The following EBF2 variants were observed in gnomAD, a reference collection of about 807,000 sequenced individuals.
EBF2 encodes transcription factor COE2.
In EBF2, 21 loss-of-function variants were observed where a neutral mutation model predicts 72.8. The ratio of observed to expected loss-of-function variants is 0.29; its 90% confidence interval spans 0.20 to 0.42. The LOEUF is 0.42. Ranked by LOEUF, EBF2 falls within the 10% of genes least tolerant of loss-of-function variation. EBF2 has a pLI of 1.00. For synonymous variants in EBF2, 299 were observed against 274.2 expected (o/e 1.09, Z -0.89); for missense variants, 637 against 731.2 (o/e 0.87, Z 1.49).
At chr8:26,027,791 G>C (rs1247763078) in intron 6 of EBF2, among the ~76,000 whole-genome samples, 1 of 152,096 alleles carries the variant, frequency 6.6e-6, no homozygotes, top group Non-Finnish European at 1.5e-5. Flanking sequence ...TTAAAAGAAA[G>C]GATATTCTGA....
chr8:25,940,644 C>A (rs986319847), intron 6 of EBF2, among the ~76,000 whole-genome samples: 199 of 149,230 alleles, frequency 1.3e-3, no homozygotes, highest in Non-Finnish European at 1.6e-3. Flanking sequence ...AAAAAAAAAA[C>A]CACAAAACCA....
At chr8:25,983,338 G>A (rs187217045) in intron 6 of EBF2, among the ~76,000 whole-genome samples, 6 of 152,164 alleles carry the variant, frequency 3.9e-5, no homozygotes, top group African/African-American at 1.2e-4. Flanking sequence ...TGAAAAAGAC[G>A]GAAGGGGACA....
chr8:25,914,814 A>G (rs1183008769), intron 6 of EBF2, among the ~76,000 whole-genome samples: 1 of 152,220 alleles, frequency 6.6e-6, no homozygotes, highest in African/African-American at 2.4e-5. Flanking sequence ...AAATAAACAC[A>G]TGAACAGAAG....
intron 6 of EBF2, among the ~76,000 whole-genome samples, chr8:25,925,183 T>C (rs573709855): frequency 2.6e-4 from 40 of 152,242 alleles, no homozygotes; most frequent in African/African-American, 9.4e-4. Flanking sequence ...CCCGAGAATA[T>C]TTTTCTCCTT....
intron 5 of EBF2, among the ~76,000 whole-genome samples, chr8:26,037,701 C>T (rs1805525552): frequency 6.6e-6 from 1 of 152,148 alleles, no homozygotes; most frequent in South Asian, 2.1e-4. Flanking sequence ...ACCCTCTGAG[C>T]ATTGAGGGCT....
chr8:26,040,166 A>G, intron 4 of EBF2, 65 bp from the exon 5 acceptor site: 1 of 1,524,028 alleles, frequency 6.6e-7, no homozygotes, highest in South Asian at 1.1e-5. Flanking sequence ...GAAAGAAGGG[A>G]CTTCAGAACA....
rs535219335 is a variant in EBF2, at chr8:25,929,430, G to A, written c.552-20875C>T. Among the ~76,000 whole-genome samples the A allele has an allele frequency of 5.3e-5, 8 of 152,294 alleles. 1 individual carries two copies. The Middle Eastern group carries it at 0.01, about 194-fold the overall frequency. On this transcript the variant is annotated intron_variant, in intron 6 of 15. Transcript: ENST00000520164. Reference sequence around the variant, plus strand: ...TATGGTGACTTAGAGCACTTAGTACGATGCTTATTGAGAGCAGACACTCGA... The same window carrying A: ...TATGGTGACTTAGAGCACTTAGTACAATGCTTATTGAGAGCAGACACTCGA...
chr8:25,966,430 G>A (rs187956236), intron 6 of EBF2, among the ~76,000 whole-genome samples: 453 of 152,252 alleles, frequency 3.0e-3, no homozygotes, highest in African/African-American at 9.9e-3. Context: ...ATCACTTTCC[G>A]GACTCTACCC....
chr8:25,971,745 T>A (rs1804193271), intron 6 of EBF2, among the ~76,000 whole-genome samples: 1 of 152,186 alleles, frequency 6.6e-6, no homozygotes, highest in Admixed American at 6.5e-5. Context: ...TTTTTTTTCC[T>A]CGAGCTAAGC....
intron 2 of EBF2, chr8:26,041,601 C>T (rs963158988): frequency 1.2e-5 from 2 of 160,956 alleles, no homozygotes; most frequent in Non-Finnish European, 2.7e-5. Flanking sequence ...TGAGACCGAA[C>T]CCAGCCCCCA....
In EBF2 at chr8:25,881,382, G is replaced by C. The variant is rs1396098374; in HGVS notation, c.1009+5373C>G. ...CCAGGGTCTTTGCACATACTGTTTT[G>C]TCTATTCTAAATCCTCCCCATCAAC... On this transcript the variant is annotated intron_variant, in intron 10 of 15. Transcript: ENST00000520164. 1.3e-5 allele frequency among the ~76,000 whole-genome samples: 2 copies of C among 152,130 alleles called. 1 individual carries two copies. Among genetic ancestry groups the C allele is most frequent in the Non-Finnish European group, 2.9e-5 (2 of 68,028 alleles).
At chr8:26,029,642 GACAGTGTAAAT>G (rs1805365728) in intron 6 of EBF2, among the ~76,000 whole-genome samples, 1 of 152,210 alleles carries the variant, frequency 6.6e-6, no homozygotes. Context: ...CGCAAAGACA[GACAGTGTAAAT>G]TAACTGCATC....
In EBF2 at chr8:26,022,614, C is replaced by T. The variant is rs561295964; in HGVS notation, c.551+10471G>A. On this transcript the variant is annotated intron_variant, in intron 6 of 15. Transcript: ENST00000520164. ...ATTCCTCCATTTCTGTCATCACATCCGTGGAGTTAGGAATTTCTCCCCTTA... is the reference window on the plus strand; with the variant it reads ...ATTCCTCCATTTCTGTCATCACATCTGTGGAGTTAGGAATTTCTCCCCTTA... 2.1e-4 allele frequency among the ~76,000 whole-genome samples: 32 copies of T among 152,234 alleles called. No individual in the cohort carries two copies. The East Asian group carries it at 4.6e-3, about 22-fold the overall frequency.
Position 26,040,774 on chromosome 8 carries a change from C to T in EBF2, c.353-103G>A, listed in dbSNP as rs1805586361. On this transcript the variant is annotated intron_variant, in intron 3 of 15. Transcript: ENST00000520164. The stretch of plus-strand genomic sequence containing the variant: ...CTGAGGCCCAAGCAGCCTCTCCATG[C>T]TGAGCCGCCCTGGAGACGGTGACCT... The T allele has an allele frequency of 2.4e-5, 36 of 1,486,522 alleles. No homozygotes were observed. The East Asian group carries it at 8.9e-4, about 37-fold the overall frequency. The allele number at this position is 1,486,522 out of a possible 1,614,324, so 92.1% of individuals were successfully genotyped here. A position where few individuals can be genotyped will look rare whatever the true frequency, so the allele number is the denominator to read the frequency against.
rs75825174 is a variant in EBF2 at position 26,042,481 on chromosome 8, C to A, written c.132-230G>T. ...GGTTGATACCTGGGGTCTCTGACAC[C>A]ACCAAGTGGTCCGGCATCCCACCGC... On this transcript the variant is annotated intron_variant, in intron 1 of 15. Coordinates refer to ENST00000520164, the MANE Select transcript of EBF2 (RefSeq NM_022659.4). 1.6e-3 allele frequency among the ~76,000 whole-genome samples: 243 copies of A among 152,118 alleles called. 2 individuals carry two copies. The highest frequency in any genetic ancestry group is 4.1e-3 in the African/African-American group (169 of 41,510).
chr8:25,993,489 C>G (rs149471365), intron 6 of EBF2, among the ~76,000 whole-genome samples: 39 of 152,340 alleles, frequency 2.6e-4, no homozygotes, highest in African/African-American at 8.9e-4. Flanking sequence ...TCACTGCTTT[C>G]CATCTATACT....
intron 11 of EBF2, 72 bp from the exon 12 acceptor site, chr8:25,861,446 C>G: frequency 6.4e-7 from 1 of 1,559,640 alleles, no homozygotes; most frequent in Non-Finnish European, 8.8e-7. Context: ...AAATTATAGG[C>G]AAAAATGAGA....
At chr8:25,847,784 C>T (rs942399209) in intron 15 of EBF2, among the ~76,000 whole-genome samples, 10 of 152,142 alleles carry the variant, frequency 6.6e-5, no homozygotes, top group Admixed American at 2.6e-4. Flanking sequence ...TTTCTCCACA[C>T]GTCACTTGAT....
chr8:25,936,729 T>C (rs1207223391), intron 6 of EBF2, among the ~76,000 whole-genome samples: 1 of 152,204 alleles, frequency 6.6e-6, no homozygotes, highest in South Asian at 2.1e-4. Context: ...ATGTCTTCCA[T>C]GGAAGTAGTT....
Sources: gnomAD v4.1 joint callset for allele counts (sites outside exome capture counted in the v4.1 genomes callset) on GRCh38, gnomAD v4.1.1 for gene constraint, MANE v1.5 for transcripts, NCBI Gene and HGNC (gene_info 2026-07-23, HGNC 2026-07-21) for gene names.